The following KIF24 variants were observed in gnomAD, a reference collection of about 807,000 sequenced individuals.
The protein encoded by KIF24 is kinesin family member 24, also known as kinesin-like protein KIF24.
In KIF24, 81 loss-of-function variants were observed where a neutral mutation model predicts 118.9. That is an observed-to-expected ratio of 0.68 (90% CI 0.57 to 0.82). The LOEUF (loss-of-function observed/expected upper bound fraction) is 0.82. Among genes scored for constraint, KIF24 ranks in the 40% least tolerant of loss-of-function variants. The probability of loss-of-function intolerance (pLI) is 0.00; values close to 1 mark genes in which losing one functional copy is unlikely to be tolerated. For synonymous variants in KIF24, 599 were observed against 610.0 expected (o/e 0.98, Z 0.27); for missense variants, 1,560 against 1,661.6 (o/e 0.94, Z 1.06).
upstream of KIF24, among the ~76,000 whole-genome samples, chr9:34,333,097 G>A (rs1837991057): frequency 6.6e-6 from 1 of 152,172 alleles, no homozygotes; most frequent in Non-Finnish European, 1.5e-5. Context: ...AGTGCCCTAA[G>A]TTAAGTGGAA....
intron 3 of KIF24, among the ~76,000 whole-genome samples, chr9:34,301,350 C>T (rs1191872338): frequency 6.6e-6 from 1 of 151,990 alleles, no homozygotes; most frequent in Non-Finnish European, 1.5e-5. Flanking sequence ...CAGGTTCAAG[C>T]GATTCTCATG....
intron 5 of KIF24, among the ~76,000 whole-genome samples, 185 bp from the exon 6 acceptor site, chr9:34,286,889 T>C (rs1836072874): frequency 6.6e-6 from 1 of 152,218 alleles, no homozygotes; most frequent in Non-Finnish European, 1.5e-5. Flanking sequence ...GGTTGTTGAT[T>C]GTTGTAAAAT....
In KIF24 at chr9:34,253,397, A is replaced by G. The variant is rs1169164859; in HGVS notation, c.*983T>C. On this transcript the variant is annotated 3_prime_UTR_variant, in exon 13 of 13. Transcript: ENST00000402558. ...GCTTCCTGCTAAAAAGATACACAGC[A>G]GGCAGAACTTGGCTGAAGGTTTGTG... 1.3e-5 allele frequency: 2 copies of G among 152,278 alleles called. No homozygotes were observed. Among genetic ancestry groups the G allele is most frequent in the South Asian group, 2.1e-4 (1 of 4,836 alleles). The allele number at this position is 152,278 out of a possible 1,614,324, so 9.4% of individuals were successfully genotyped here.
chr9:34,330,969 A>AT (rs563507842), upstream of KIF24, among the ~76,000 whole-genome samples: 92 of 151,888 alleles, frequency 6.1e-4, no homozygotes, highest in African/African-American at 2.2e-3. Flanking sequence ...TCAAAAAAAA[A>AT]AAGGTAGCTA....
intron 1 of KIF24, among the ~76,000 whole-genome samples, chr9:34,327,033 GATAT>G (rs1837692434): frequency 6.6e-6 from 1 of 152,054 alleles, no homozygotes; most frequent in South Asian, 2.1e-4. Flanking sequence ...TTCAGTGTCT[GATAT>G]ATAAACACTC....
intron 3 of KIF24, among the ~76,000 whole-genome samples, chr9:34,301,101 T>C (rs529191236): frequency 1.3e-5 from 2 of 152,322 alleles, no homozygotes; most frequent in East Asian, 3.9e-4. Context: ...ATGAAAGATA[T>C]GTAAACATGC....
Position 34,255,140 on chromosome 9 carries a change from C to T in KIF24, c.3898G>A (p.Glu1300Lys), listed in dbSNP as rs55684896. The change falls in exon 12 of 13, where the codon GAA becomes AAA. Residue 1300 changes from glutamate (E) to lysine (K), a missense_variant. Coordinates refer to ENST00000402558, the MANE Select transcript of KIF24 (RefSeq NM_194313.4). ...AGCTCAGCCATTTCATCCAGCTGTT[C>T]CTGGTGTGCTCGGATGACCACCTGC... Reference protein sequence around the residue: ...AQQVVIRAHQEQLDEMAELGF... With the variant: ...AQQVVIRAHQKQLDEMAELGF... 3 of 1,590,342 alleles carry T rather than the reference C, an allele frequency of 1.9e-6. No individual in the cohort carries two copies. Among genetic ancestry groups the T allele is most frequent in the Admixed American group, 1.8e-5 (1 of 56,674 alleles).
At chr9:34,281,048 T>C (rs924027437) in intron 6 of KIF24, among the ~76,000 whole-genome samples, 2 of 152,200 alleles carry the variant, frequency 1.3e-5, no homozygotes, top group African/African-American at 4.8e-5. Context: ...TTTTTTGAGA[T>C]GGAGTCTTGC....
chr9:34,321,472 T>C (rs113656490), intron 1 of KIF24, among the ~76,000 whole-genome samples: 1 of 151,354 alleles, frequency 6.6e-6, no homozygotes, highest in African/African-American at 2.4e-5. Context: ...TCTCTACAAG[T>C]GTACTGATTA....
Position 34,256,572 on chromosome 9 carries a change from C to A in KIF24, c.3035G>T (p.Ser1012Ile), listed in dbSNP as rs190884053. The A allele has an allele frequency of 7.4e-6, 12 of 1,613,904 alleles. No homozygotes were observed. The highest frequency in any genetic ancestry group is 1.0e-5 in the Non-Finnish European group (12 of 1,179,918). ...DTVTTPLREV[S>I]ADGPIQVTST... ...GGTCACCTGGATTGGGCCGTCTGCA[C>A]TGACTTCTCTCAGAGGTGTGGTGAC... The change falls in exon 11 of 13, where the codon AGT becomes ATT. Residue 1012 changes from serine (S) to isoleucine (I), a missense_variant. Ser to Ile is a moderately radical substitution (Grantham distance 142). This residue lies in a region of KIF24 where 591 missense variants were observed against 655.6 expected (regional missense o/e 0.90). Coordinates refer to ENST00000402558, the MANE Select transcript of KIF24 (RefSeq NM_194313.4).
At chr9:34,278,157 C>T (rs1835723368) in intron 6 of KIF24, among the ~76,000 whole-genome samples, 2 of 152,042 alleles carry the variant, frequency 1.3e-5, no homozygotes, top group African/African-American at 4.8e-5. Context: ...GTCTGTAATC[C>T]CAGCACTTTG....
At chr9:34,288,500 A>C (rs1056957865) in intron 5 of KIF24, among the ~76,000 whole-genome samples, 13 of 152,060 alleles carry the variant, frequency 8.5e-5, no homozygotes, top group African/African-American at 3.1e-4. Flanking sequence ...AAAAAGAAAA[A>C]AAAAAAATCA....
At chr9:34,290,430 G>T (rs926243770) in intron 4 of KIF24, 41 bp from the exon 5 acceptor site, 39 of 1,260,406 alleles carry the variant, frequency 3.1e-5, no homozygotes, top group Non-Finnish European at 4.3e-5. Flanking sequence ...CATATTAAGA[G>T]AAGTATTAGT....
rs186386455 is a variant in KIF24 at position 34,256,410 on chromosome 9, G to C, written c.3197C>G (p.Pro1066Arg). Reference sequence around the variant, plus strand: ...ATCCTGGACCAGCTGCTCCGAGGGAGGAGACCCTTCGTTGTCTGGGTTCTC... The same window carrying C: ...ATCCTGGACCAGCTGCTCCGAGGGACGAGACCCTTCGTTGTCTGGGTTCTC... ...LLENPDNEGSPPSEQLVQDGA... is the reference protein window; with the variant it reads ...LLENPDNEGSRPSEQLVQDGA... The change falls in exon 11 of 13, where the codon CCT becomes CGT. Residue 1066 changes from proline to arginine, a missense_variant. Coordinates refer to ENST00000402558, the MANE Select transcript of KIF24 (RefSeq NM_194313.4). 6 of 1,613,966 alleles carry C rather than the reference G, an allele frequency of 3.7e-6. No individual in the cohort carries two copies. In the Admixed American group the frequency reaches 5.0e-5, roughly 13 times the overall value.
chr9:34,310,319 G>C (rs1450883273), intron 2 of KIF24, among the ~76,000 whole-genome samples: 2 of 152,002 alleles, frequency 1.3e-5, no homozygotes, highest in African/African-American at 4.8e-5. Flanking sequence ...AAGTCTCCTG[G>C]TTGGGTTAAG....
intron 5 of KIF24, among the ~76,000 whole-genome samples, chr9:34,287,850 T>C (rs1347319741): frequency 6.6e-6 from 1 of 151,102 alleles, no homozygotes; most frequent in Non-Finnish European, 1.5e-5. Flanking sequence ...ACGCTATGAT[T>C]GCGCCTGTGA....
chr9:34,266,571 G>A (rs906013667), intron 8 of KIF24, among the ~76,000 whole-genome samples: 8 of 151,950 alleles, frequency 5.3e-5, no homozygotes, highest in Non-Finnish European at 1.0e-4. Flanking sequence ...CCAGCTACTC[G>A]GGAGGCTGAG....
intron 6 of KIF24, among the ~76,000 whole-genome samples, chr9:34,281,638 A>C (rs919274403): frequency 6.6e-6 from 1 of 152,248 alleles, no homozygotes; most frequent in African/African-American, 2.4e-5. Context: ...GGAAGGCAGG[A>C]AAGATCAAGA....
chr9:34,309,249 T>C (rs1177765078), intron 2 of KIF24, among the ~76,000 whole-genome samples: 1 of 151,916 alleles, frequency 6.6e-6, no homozygotes, highest in Non-Finnish European at 1.5e-5. Context: ...AAAGTAATAT[T>C]CAAGAAAATA....
Sources: allele counts gnomAD v4.1 joint callset (sites outside exome capture counted in the v4.1 genomes callset), GRCh38; gene constraint gnomAD v4.1.1; regional missense constraint gnomAD v4.1.1; transcripts MANE v1.5; gene names NCBI Gene and HGNC (gene_info 2026-07-23, HGNC 2026-07-21).